Variants in JAKMIP2 observed in about 807,000 individuals in gnomAD.
The protein encoded by JAKMIP2 is janus kinase and microtubule interacting protein 2.
JAKMIP2 carries 25 observed loss-of-function variants against 115.0 expected under a neutral mutation model. That is an observed-to-expected ratio of 0.22 (90% CI 0.16 to 0.30). The LOEUF (loss-of-function observed/expected upper bound fraction) is 0.30. Ranked by LOEUF, JAKMIP2 falls within the 10% of genes least tolerant of loss-of-function variation. JAKMIP2 has a pLI of 1.00. For synonymous variants in JAKMIP2, 334 were observed against 343.6 expected (o/e 0.97, Z 0.31); for missense variants, 642 against 957.6 (o/e 0.67, Z 4.35).
intron 1 of JAKMIP2, among the ~76,000 whole-genome samples, chr5:147,693,847 T>C (rs1245230791): frequency 6.6e-6 from 1 of 152,170 alleles, no homozygotes; most frequent in Admixed American, 6.5e-5. Context: ...AATTTGGGGG[T>C]TATACTTCTG....
chr5:147,632,923 AT>A, intron 12 of JAKMIP2, 145 bp from the exon 13 acceptor site: 1 of 558,800 alleles, frequency 1.8e-6, no homozygotes, highest in East Asian at 2.9e-5. Flanking sequence ...TAAAATAAGT[AT>A]TTGGCTTTGG....
At chr5:147,662,016 T>C (rs942563375) in intron 2 of JAKMIP2, 3 of 151,996 alleles carry the variant, frequency 2.0e-5, no homozygotes, top group Non-Finnish European at 4.4e-5. Flanking sequence ...AGTGATATTA[T>C]TGAGCATCCG....
At chr5:147,641,879 CT>C in intron 7 of JAKMIP2, 115 bp from the exon 8 acceptor site, 1 of 843,298 alleles carries the variant, frequency 1.2e-6, no homozygotes. Context: ...TAGAATAAGA[CT>C]TTGTTTTTTA....
chr5:147,658,991 G>A (rs924126390), intron 3 of JAKMIP2, among the ~76,000 whole-genome samples: 16 of 152,046 alleles, frequency 1.1e-4, no homozygotes, highest in African/African-American at 3.9e-4. Flanking sequence ...AGTGGGACTG[G>A]GACCCGCTTG....
At chr5:147,751,246 T>TG (rs1754542944) in intron 1 of JAKMIP2, among the ~76,000 whole-genome samples, 1 of 144,108 alleles carries the variant, frequency 6.9e-6, no homozygotes, top group African/African-American at 2.7e-5. Flanking sequence ...TAAGTTGTTT[T>TG]TTTGTTGTTG....
chr5:147,670,557 GAAGTA>G (rs1473198984), intron 2 of JAKMIP2, among the ~76,000 whole-genome samples: 2 of 152,144 alleles, frequency 1.3e-5, no homozygotes, highest in Non-Finnish European at 1.5e-5. Flanking sequence ...GGGATTGAGA[GAAGTA>G]AAGAGACTTC....
intron 7 of JAKMIP2, among the ~76,000 whole-genome samples, chr5:147,642,792 T>C (rs1757941397): frequency 1.3e-5 from 2 of 152,196 alleles, no homozygotes; most frequent in African/African-American, 4.8e-5. Flanking sequence ...GTATTGTTCC[T>C]GGGTGTGTCT....
chr5:147,639,897 T>C (rs1273694021), intron 9 of JAKMIP2, 137 bp from the exon 10 acceptor site: 1 of 967,176 alleles, frequency 1.0e-6, no homozygotes, highest in Non-Finnish European at 1.5e-6. Context: ...TATTTTTAGC[T>C]CTGAAGTGTA....
chr5:147,652,425 C>A (rs1012468914), intron 3 of JAKMIP2, among the ~76,000 whole-genome samples: 1 of 152,128 alleles, frequency 6.6e-6, no homozygotes, highest in East Asian at 1.9e-4. Context: ...GGACTCTGAT[C>A]TCAAAATACT....
At chr5:147,743,979 C>G (rs1561572035) in intron 1 of JAKMIP2, among the ~76,000 whole-genome samples, 1 of 146,628 alleles carries the variant, frequency 6.8e-6, no homozygotes, top group Non-Finnish European at 1.5e-5. Flanking sequence ...TTCTCCCTCC[C>G]TTCCTTCCTT....
intron 1 of JAKMIP2, among the ~76,000 whole-genome samples, chr5:147,750,763 A>G (rs1162500483): frequency 6.6e-6 from 1 of 152,164 alleles, no homozygotes; most frequent in African/African-American, 2.4e-5. Context: ...GTGGGATTCT[A>G]GTCTGATAAT....
At chr5:147,719,937 T>C (rs141785408) in intron 1 of JAKMIP2, among the ~76,000 whole-genome samples, 66,892 of 151,688 alleles carry the variant, frequency 0.44, 15,566 homozygotes, top group East Asian at 0.59. Context: ...CAGTTTCTTC[T>C]GAGTCTTGAT....
chr5:147,604,899 A>G (rs1271938501), intron 20 of JAKMIP2, among the ~76,000 whole-genome samples: 1 of 151,372 alleles, frequency 6.6e-6, no homozygotes, highest in Non-Finnish European at 1.5e-5. Context: ...ATAAGTATAC[A>G]TGTGCCATGG....
At chr5:147,732,088 T>G (rs1242929667) in intron 1 of JAKMIP2, among the ~76,000 whole-genome samples, 1 of 152,192 alleles carries the variant, frequency 6.6e-6, no homozygotes, top group African/African-American at 2.4e-5. Flanking sequence ...GCAAGGTAAA[T>G]TCTAATCTGC....
Position 147,623,663 on chromosome 5 carries a change from C to A in JAKMIP2, c.2022G>T (p.Glu674Asp). 1 of 1,612,216 alleles carries A rather than the reference C, an allele frequency of 6.2e-7. No individual in the cohort carries two copies. Reference sequence around the variant, plus strand: ...CCATCATTTTCTGGTGTAGGGCAGCCTCAGCTCCTTCAATCTGCTGGATCC... The same window carrying A: ...CCATCATTTTCTGGTGTAGGGCAGCATCAGCTCCTTCAATCTGCTGGATCC... ...EKWIQQIEGAEAALHQKMMEL... is the reference protein window; with the variant it reads ...EKWIQQIEGADAALHQKMMEL... The change falls in exon 17 of 22, where the codon GAG becomes GAT. Residue 674 changes from glutamate to aspartate, a missense_variant. By Grantham distance (45) the Glu-to-Asp change is conservative (BLOSUM62 2). Around this residue, in one of 6 missense-constraint regions of JAKMIP2, gnomAD observed 68 missense variants for 104.6 expected, o/e 0.65. Transcript: ENST00000616793.
chr5:147,694,412 A>C (rs946702546), intron 1 of JAKMIP2, among the ~76,000 whole-genome samples: 4 of 152,158 alleles, frequency 2.6e-5, no homozygotes, highest in African/African-American at 9.7e-5. Flanking sequence ...TGTCTACACC[A>C]CAAGCAGTCA....
chr5:147,679,402 G>A (rs1040271776), intron 1 of JAKMIP2, among the ~76,000 whole-genome samples: 1 of 152,174 alleles, frequency 6.6e-6, no homozygotes, highest in African/African-American at 2.4e-5. Flanking sequence ...TTAGCTTTTG[G>A]TAGATGTTAA....
intron 1 of JAKMIP2, among the ~76,000 whole-genome samples, chr5:147,709,834 C>T (rs896344670): frequency 6.6e-6 from 1 of 152,100 alleles, no homozygotes; most frequent in Non-Finnish European, 1.5e-5. Flanking sequence ...TGGGCAACAG[C>T]GCAAGATTCC....
intron 3 of JAKMIP2, among the ~76,000 whole-genome samples, chr5:147,657,048 G>C (rs1758711371): frequency 6.6e-6 from 1 of 152,168 alleles, no homozygotes; most frequent in Non-Finnish European, 1.5e-5. Flanking sequence ...GGGAGGCCGA[G>C]GCGGGTGGAT....
Sources: gnomAD v4.1 joint callset for allele counts (sites outside exome capture counted in the v4.1 genomes callset) on GRCh38, gnomAD v4.1.1 for gene constraint, gnomAD v4.1.1 regional missense constraint, MANE v1.5 for transcripts, NCBI Gene and HGNC (gene_info 2026-07-23, HGNC 2026-07-21) for gene names.